The following POLD1 variants were observed in gnomAD, a reference collection of about 807,000 sequenced individuals.
The protein encoded by POLD1 is DNA polymerase delta catalytic subunit.
In POLD1, 79 loss-of-function variants were observed where a neutral mutation model predicts 129.7. The observed-to-expected ratio is 0.61, with a 90% CI of 0.51 to 0.73. The LOEUF is 0.73. POLD1 is among the 30% of genes least tolerant of loss of function. POLD1 has a pLI of 0.00. For missense variants in POLD1, 1,338 were observed against 1,595.8 expected (o/e 0.84, Z 2.75); for synonymous variants, 714 against 683.3 (o/e 1.04, Z -0.70).
chr19:50,400,211 A>ATTTTTTTTTTTTTTTTT (rs549820323), intron 3 of POLD1, among the ~76,000 whole-genome samples: 9 of 67,814 alleles, frequency 1.3e-4, no homozygotes, highest in African/African-American at 6.1e-4. Context: ...CTGGCCAATA[A>ATTTTTTTTTTTTTTTTT]TTTTTTTTTT....
intron 19 of POLD1, 79 bp from the exon 20 acceptor site, chr19:50,414,736 C>T: frequency 8.3e-7 from 1 of 1,208,638 alleles, no homozygotes; most frequent in East Asian, 2.7e-5. Context: ...ACCCTGTCTA[C>T]CTTCAGTTTC....
chr19:50,411,611 C>CT (rs1424644413), intron 17 of POLD1, among the ~76,000 whole-genome samples: 3 of 152,154 alleles, frequency 2.0e-5, no homozygotes, highest in Non-Finnish European at 4.4e-5. Flanking sequence ...GAGGCCGAGG[C>CT]GGGCGGATCA....
In POLD1 at chr19:50,417,872, G is replaced by A. The variant is rs760214407; in HGVS notation, c.3249G>A (p.Lys1083=). ...SRDCPIFYMR[K]KVRKDLEDQE... ...ACTGCCCCATCTTCTACATGCGCAA[G>A]AAGGTGCGGAAGGACCTGGAAGACC... Residue 1083 remains lysine, a synonymous_variant, in exon 27 of 27, where the codon AAG becomes AAA. Transcript: ENST00000440232. 32 of 1,610,418 alleles carry A rather than the reference G, an allele frequency of 2.0e-5. No homozygotes were observed. The highest frequency in any genetic ancestry group is 2.5e-5 in the Non-Finnish European group (30 of 1,178,628).
intron 1 of POLD1, among the ~76,000 whole-genome samples, chr19:50,391,504 C>T (rs1328573331): frequency 1.1e-4 from 16 of 152,246 alleles, no homozygotes; most frequent in East Asian, 1.9e-4. Context: ...GAGACCAGCC[C>T]GGCCAACACG....
chr19:50,402,720 A>G lies in POLD1; in HGVS notation c.949A>G (p.Ile317Val), dbSNP rs2038704916. Residue 317 changes from isoleucine to valine, a missense_variant, in exon 8 of 27, where the codon ATC (isoleucine) becomes GTC (valine). Ile to Val is a conservative substitution (Grantham distance 29). Around this residue, in one of 3 missense-constraint regions of POLD1, gnomAD observed 720 missense variants for 1,002.6 expected, o/e 0.72. Coordinates refer to ENST00000440232, the MANE Select transcript of POLD1 (RefSeq NM_002691.4). The part of the protein sequence containing the change: ...IAPLRVLSFD[I>V]ECAGRKGIFP... ...GCCCTTGCGCGTGCTCAGCTTCGAT[A>G]TCGAGTGCGCCGGCCGCAAAGGTCT... is the stretch of plus-strand genomic sequence containing the variant. 6.3e-7 allele frequency: 1 copy of G among 1,595,916 alleles called. No homozygotes were observed. The highest frequency in any genetic ancestry group is 8.6e-7 in the Non-Finnish European group (1 of 1,167,634).
In POLD1 at chr19:50,406,377, C is replaced by T. The variant is rs200529334; in HGVS notation, c.1384-30C>T. The T allele has an allele frequency of 1.3e-5, 21 of 1,609,672 alleles. No individual in the cohort carries two copies. The highest frequency in any genetic ancestry group is 1.7e-4 in the Middle Eastern group (1 of 6,038). ...TCCTTGGAAGGCCACTGCCCAGGCC[C>T]GCAGCCCACCAGCCCACCCACCCAC... On this transcript the variant is annotated intron_variant, in intron 11 of 26. Coordinates refer to ENST00000440232, the MANE Select transcript of POLD1 (RefSeq NM_002691.4). This position sits in a 1 kb window ranked among gnomAD's most constrained non-coding sequence, Gnocchi z 5.5.
intron 1 of POLD1, among the ~76,000 whole-genome samples, chr19:50,391,314 G>C (rs2038157772): frequency 6.6e-6 from 1 of 152,140 alleles, no homozygotes; most frequent in South Asian, 2.1e-4. Context: ...GGCAGAGGCT[G>C]CAATCTCGGC....
In POLD1 at chr19:50,406,611, A is replaced by T; in HGVS notation, c.1494+94A>T. On this transcript the variant is annotated intron_variant, in intron 12 of 26. Coordinates refer to ENST00000440232, the MANE Select transcript of POLD1 (RefSeq NM_002691.4). The surrounding 1 kb of genome is among the most constrained non-coding windows in gnomAD (Gnocchi z 5.5). ...CCTCAACTTCACGCCCCCACGTCTGACCTCACTCTTTGACCTGCTGTTATG... is the reference window on the plus strand; with the variant it reads ...CCTCAACTTCACGCCCCCACGTCTGTCCTCACTCTTTGACCTGCTGTTATG... 1 of 919,362 alleles carries T rather than the reference A, an allele frequency of 1.1e-6. No homozygotes were observed. The highest frequency in any genetic ancestry group is 1.5e-5 in the South Asian group (1 of 68,702). The allele number at this position is 919,362 out of a possible 1,614,324, so 57.0% of individuals were successfully genotyped here.
intron 17 of POLD1, among the ~76,000 whole-genome samples, chr19:50,412,852 C>G (rs905495379): frequency 6.6e-6 from 1 of 152,158 alleles, no homozygotes; most frequent in African/African-American, 2.4e-5. Context: ...TCAAGTGATC[C>G]AGCCACTTCA....
chr19:50,395,876 CTT>C (rs774272686), intron 1 of POLD1, among the ~76,000 whole-genome samples: 4 of 73,658 alleles, frequency 5.4e-5, no homozygotes, highest in Non-Finnish European at 9.3e-5. Flanking sequence ...AGGATATATA[CTT>C]TTTTTTTTTT....
At chr19:50,411,438 CT>C (rs1186748894) in intron 17 of POLD1, among the ~76,000 whole-genome samples, 1 of 152,240 alleles carries the variant, frequency 6.6e-6, no homozygotes, top group Non-Finnish European at 1.5e-5. Flanking sequence ...GTGTCTCTGT[CT>C]TTTCTCTCTC....
chr19:50,415,927 C>T (rs1568639073), intron 22 of POLD1, 101 bp downstream of exon 22: 1 of 897,928 alleles, frequency 1.1e-6, no homozygotes, highest in Non-Finnish European at 1.6e-6. Context: ...CTCCCGTGCC[C>T]TGTGGGGCCC....
rs2122276588 is a variant in POLD1, at chr19:50,403,471, CCCAATGTG to C, written c.1138-20_1138-13del. ...CGAGGCAGGGCAACCACCAGGGTGA[CCCAATGTG>C]CTCCCACCCCCAGGCCTGGTCCACC... On this transcript the variant is annotated splice_polypyrimidine_tract_variant and intron_variant, in intron 9 of 26. Coordinates refer to ENST00000440232, the MANE Select transcript of POLD1 (RefSeq NM_002691.4). The C allele has an allele frequency of 6.4e-7, 1 of 1,556,078 alleles. No homozygotes were observed. Among genetic ancestry groups the C allele is most frequent in the Non-Finnish European group, 8.9e-7 (1 of 1,127,192 alleles).
intron 22 of POLD1, chr19:50,416,151 T>C (rs1286803505): frequency 1.4e-5 from 8 of 581,062 alleles, no homozygotes; most frequent in Non-Finnish European, 2.1e-5. Context: ...ACCTCTGACC[T>C]CCTGACCCCT....
In POLD1 at chr19:50,406,936, C is replaced by G; in HGVS notation, c.1495-47C>G. 1 of 1,146,998 alleles carries G rather than the reference C, an allele frequency of 8.7e-7. No individual in the cohort carries two copies. Among genetic ancestry groups the G allele is most frequent in the Non-Finnish European group, 1.3e-6 (1 of 799,036 alleles). The allele number at this position is 1,146,998 out of a possible 1,614,324, so 71.1% of individuals were successfully genotyped here. On this transcript the variant is annotated intron_variant, in intron 12 of 26. Transcript: ENST00000440232. This position sits in a 1 kb window ranked among gnomAD's most constrained non-coding sequence, Gnocchi z 5.5. ...CCCACTTCCTTCTCCTGCTCCACCT[C>G]CCACCCCCAACCCCTGGTCCCTGAC...
In POLD1 at chr19:50,403,036, ATCC is replaced by A. The variant is rs2122267161; in HGVS notation, c.971-12_971-10del. ...TGAGGGGCAGGAGTCAGGCCCCTGCATCCTCCTGCCTCGCAGGCATCTTCCCTG... is the reference window on the plus strand; with the variant it reads ...TGAGGGGCAGGAGTCAGGCCCCTGCATCCTGCCTCGCAGGCATCTTCCCTG... On this transcript the variant is annotated splice_polypyrimidine_tract_variant and intron_variant, in intron 8 of 26. Coordinates refer to ENST00000440232, the MANE Select transcript of POLD1 (RefSeq NM_002691.4). 6.4e-7 allele frequency: 1 copy of A among 1,553,266 alleles called. No homozygotes were observed. Among genetic ancestry groups the A allele is most frequent in the Non-Finnish European group, 8.7e-7 (1 of 1,147,928 alleles).
intron 1 of POLD1, among the ~76,000 whole-genome samples, chr19:50,391,718 A>T (rs1407086753): frequency 6.8e-6 from 1 of 147,180 alleles, no homozygotes; most frequent in African/African-American, 2.6e-5. Context: ...GGAGAGGGAG[A>T]GGTCTTTTTT....
chr19:50,402,973 G>A (rs1244439537), intron 8 of POLD1, 80 bp from the exon 9 acceptor site: 3 of 1,511,384 alleles, frequency 2.0e-6, no homozygotes, highest in Non-Finnish European at 2.7e-6. Context: ...GACAGCCCCG[G>A]GGAGATGGCA....
chr19:50,386,669 A>G (rs2037981585), intron 1 of POLD1, among the ~76,000 whole-genome samples: 1 of 152,198 alleles, frequency 6.6e-6, no homozygotes, highest in Non-Finnish European at 1.5e-5. Flanking sequence ...AGTTTCATGC[A>G]GCGAACACTG....
Sources: allele counts gnomAD v4.1 joint callset (sites outside exome capture counted in the v4.1 genomes callset), GRCh38; gene constraint gnomAD v4.1.1; regional missense constraint gnomAD v4.1.1; non-coding constraint Gnocchi (gnomAD v3.1); transcripts MANE v1.5; gene names NCBI Gene and HGNC (gene_info 2026-07-23, HGNC 2026-07-21).